ZCCHC24: variants seen among roughly 807,000 people sequenced by gnomAD.
ZCCHC24 encodes zinc finger CCHC domain-containing protein 24.
A neutral mutation model predicts 26.2 loss-of-function variants in ZCCHC24; 10 were observed. The observed-to-expected ratio is 0.38, with a 90% CI of 0.24 to 0.65. The LOEUF (loss-of-function observed/expected upper bound fraction) is 0.65. Ranked by LOEUF, ZCCHC24 falls within the 30% of genes least tolerant of loss-of-function variation. The pLI, the probability that ZCCHC24 is intolerant of heterozygous loss-of-function variation, is 0.54. For synonymous variants in ZCCHC24, 144 were observed against 147.1 expected (o/e 0.98, Z 0.15); for missense variants, 243 against 329.1 (o/e 0.74, Z 2.03).
chr10:79,434,175 A>ACAGACAC (rs1189828655), intron 1 of ZCCHC24, among the ~76,000 whole-genome samples: 1 of 151,326 alleles, frequency 6.6e-6, no homozygotes, highest in Non-Finnish European at 1.5e-5. Flanking sequence ...AAGGAAAGAC[A>ACAGACAC]CAGACACCAC....
At chr10:79,391,496 TG>T (rs1383981906) in intron 3 of ZCCHC24, among the ~76,000 whole-genome samples, 1 of 151,942 alleles carries the variant, frequency 6.6e-6, no homozygotes, top group East Asian at 1.9e-4. Flanking sequence ...GTGCACAGGC[TG>T]GGCCCTGTCT....
At chr10:79,424,575 G>C (rs1039142765) in intron 2 of ZCCHC24, among the ~76,000 whole-genome samples, 2 of 152,100 alleles carry the variant, frequency 1.3e-5, no homozygotes, top group Non-Finnish European at 2.9e-5. Context: ...CATGTTCAGG[G>C]GCTGGCTTCC....
intron 2 of ZCCHC24, among the ~76,000 whole-genome samples, chr10:79,430,712 A>ACACACACACACACACACACACC (rs1311631405): frequency 1.3e-3 from 189 of 149,108 alleles, no homozygotes; most frequent in African/African-American, 2.1e-3. Flanking sequence ...ACACACACAC[A>ACACACACACACACACACACACC]CCCTCTGCTA....
chr10:79,419,686 G>A (rs1856913198), intron 2 of ZCCHC24, among the ~76,000 whole-genome samples: 1 of 152,202 alleles, frequency 6.6e-6, no homozygotes, highest in South Asian at 2.1e-4. Flanking sequence ...GAGCTTGGAG[G>A]AAAGGAGAAA....
intron 2 of ZCCHC24, among the ~76,000 whole-genome samples, chr10:79,399,281 A>G (rs1856596446): frequency 2.6e-5 from 4 of 152,194 alleles, no homozygotes; most frequent in Admixed American, 2.0e-4. Flanking sequence ...GGAATTTCTA[A>G]CGGAACAAAG....
intron 2 of ZCCHC24, among the ~76,000 whole-genome samples, chr10:79,415,650 G>T (rs1856849726): frequency 6.6e-6 from 1 of 152,124 alleles, no homozygotes; most frequent in South Asian, 2.1e-4. Context: ...CCCTCTCCCA[G>T]GTCTGAAAGG....
chr10:79,420,149 C>A (rs544539017), intron 2 of ZCCHC24, among the ~76,000 whole-genome samples: 1 of 148,964 alleles, frequency 6.7e-6, no homozygotes, highest in South Asian at 2.1e-4. Context: ...CATAGGGGAA[C>A]TGACAGCCCA....
At chr10:79,438,504 C>G (rs1857248929) in intron 1 of ZCCHC24, among the ~76,000 whole-genome samples, 1 of 152,154 alleles carries the variant, frequency 6.6e-6, no homozygotes, top group Admixed American at 6.5e-5. Flanking sequence ...GCCCCTGGCT[C>G]TGTTTGTTTC....
At chr10:79,425,883 CTT>C (rs35273412) in intron 2 of ZCCHC24, among the ~76,000 whole-genome samples, 28,040 of 152,128 alleles carry the variant, frequency 0.18, 2,550 homozygotes, top group Non-Finnish European at 0.19. Context: ...GATAGACACT[CTT>C]GAGTCCTAAT....
chr10:79,392,722 C>T (rs905763635), intron 3 of ZCCHC24, among the ~76,000 whole-genome samples: 2 of 152,210 alleles, frequency 1.3e-5, no homozygotes, highest in Non-Finnish European at 2.9e-5. Flanking sequence ...CACCAGCCTC[C>T]CCTAACACTG....
At chr10:79,440,095 C>T (rs1166977452) in intron 1 of ZCCHC24, among the ~76,000 whole-genome samples, 1 of 148,470 alleles carries the variant, frequency 6.7e-6, no homozygotes, top group Non-Finnish European at 1.5e-5. Flanking sequence ...AATCACATGC[C>T]ACCACCACCA....
intron 2 of ZCCHC24, among the ~76,000 whole-genome samples, chr10:79,431,710 T>C (rs1482148914): frequency 6.6e-6 from 1 of 152,206 alleles, no homozygotes; most frequent in East Asian, 1.9e-4. Context: ...GAACACTACA[T>C]GCATTTCCAG....
intron 2 of ZCCHC24, among the ~76,000 whole-genome samples, chr10:79,395,070 G>A (rs10740499): frequency 0.82 from 125,121 of 152,218 alleles, 51,604 homozygotes; most frequent in East Asian, 0.92. Flanking sequence ...CCATTCTAAA[G>A]ATTTATCTTA....
intron 3 of ZCCHC24, 71 bp downstream of exon 3, chr10:79,394,205 A>G: frequency 1.9e-6 from 3 of 1,557,960 alleles, no homozygotes; most frequent in Non-Finnish European, 2.6e-6. Context: ...GAGGGAGTAA[A>G]CTGAGGTCCG....
chr10:79,409,902 C>G (rs778057235), intron 2 of ZCCHC24, among the ~76,000 whole-genome samples: 1 of 152,194 alleles, frequency 6.6e-6, no homozygotes, highest in Non-Finnish European at 1.5e-5. Context: ...CCATCTGTGT[C>G]CCCCAGAGAA....
At chr10:79,432,443 C>T in intron 2 of ZCCHC24, 115 bp downstream of exon 2, 2 of 1,072,864 alleles carry the variant, frequency 1.9e-6, no homozygotes, top group East Asian at 2.9e-5. Flanking sequence ...ACCACGGGGC[C>T]ACTCATTGGT....
chr10:79,438,404 GA>G (rs1857247479), intron 1 of ZCCHC24, among the ~76,000 whole-genome samples: 1 of 152,222 alleles, frequency 6.6e-6, no homozygotes, highest in South Asian at 2.1e-4. Context: ...CGGTCTCAGG[GA>G]GACAAGGAGA....
chr10:79,405,800 G>A (rs925822868), intron 2 of ZCCHC24, among the ~76,000 whole-genome samples: 8 of 152,250 alleles, frequency 5.3e-5, no homozygotes, highest in African/African-American at 1.9e-4. Context: ...GGTGTGCAGG[G>A]TGGCCAAGTG....
intron 3 of ZCCHC24, among the ~76,000 whole-genome samples, chr10:79,387,364 G>A (rs1856411705): frequency 6.6e-6 from 1 of 152,232 alleles, no homozygotes; most frequent in South Asian, 2.1e-4. Flanking sequence ...GGAAGGCACA[G>A]ACGAGCACAT....
Sources: allele counts gnomAD v4.1 joint callset (sites outside exome capture counted in the v4.1 genomes callset), GRCh38; gene constraint gnomAD v4.1.1; transcripts MANE v1.5; gene names NCBI Gene and HGNC (gene_info 2026-07-23, HGNC 2026-07-21).